Variants in IL1RAPL2 observed in about 807,000 individuals in gnomAD.
IL1RAPL2 encodes X-linked interleukin-1 receptor accessory protein-like 2.
Under a neutral mutation model 44.1 loss-of-function variants are expected in IL1RAPL2, and 3 were observed. That is an observed-to-expected ratio of 0.07 (90% CI 0.03 to 0.18). The LOEUF is 0.18. IL1RAPL2 is among the 10% of genes least tolerant of loss of function. IL1RAPL2 has a pLI of 1.00. For missense variants in IL1RAPL2, 391 were observed against 496.4 expected, an observed-to-expected ratio of 0.79 and a Z score of 2.02; for synonymous variants, 181 against 178.8, an observed-to-expected ratio of 1.01 and a Z score of -0.10.
chrX:105,263,278 G>T (rs1025145747), intron 4 of IL1RAPL2, among the ~76,000 whole-genome samples: 1 of 111,191 alleles, frequency 9.0e-6, no homozygotes, highest in Non-Finnish European at 1.9e-5. Context: ...TGGATGTTGG[G>T]TATTCAAACA....
intron 2 of IL1RAPL2, among the ~76,000 whole-genome samples, chrX:105,030,078 C>T (rs1001505030): frequency 2.3e-4 from 26 of 111,366 alleles, no homozygotes; most frequent in African/African-American, 6.5e-4. Flanking sequence ...TCATATCCTT[C>T]GCCCACTTTT....
chrX:105,588,521 T>C (rs765546338), intron 6 of IL1RAPL2, among the ~76,000 whole-genome samples: 1 of 109,919 alleles, frequency 9.1e-6, no homozygotes, highest in Non-Finnish European at 1.9e-5. Flanking sequence ...TATGCTGTTC[T>C]TTCATTTTCA....
At chrX:105,230,043 C>T (rs1411646380) in intron 3 of IL1RAPL2, among the ~76,000 whole-genome samples, 3 of 111,919 alleles carry the variant, frequency 2.7e-5, no homozygotes, top group African/African-American at 3.2e-5. Context: ...GTGATCCACC[C>T]GCCTAGGCCT....
chrX:105,028,702 TG>T (rs1430480390), intron 2 of IL1RAPL2, among the ~76,000 whole-genome samples: 2 of 110,265 alleles, frequency 1.8e-5, no homozygotes, highest in Non-Finnish European at 1.9e-5. Context: ...AAGGATTGAC[TG>T]GGAAGCTAGA....
At chrX:104,647,788 A>T (rs1250910617) in intron 1 of IL1RAPL2, 1 of 535,713 alleles carries the variant, frequency 1.9e-6, no homozygotes, top group Non-Finnish European at 3.4e-6. Flanking sequence ...TAAGTGGTCG[A>T]GAATGGCAGT....
chrX:105,077,337 A>G (rs1284073938), intron 2 of IL1RAPL2, among the ~76,000 whole-genome samples: 3 of 111,778 alleles, frequency 2.7e-5, no homozygotes, highest in Non-Finnish European at 5.6e-5. Flanking sequence ...TTCTGGGTTG[A>G]AAATTCTTTT....
intron 3 of IL1RAPL2, among the ~76,000 whole-genome samples, chrX:105,215,785 T>C (rs2033853106): frequency 9.0e-6 from 1 of 111,646 alleles, no homozygotes; most frequent in African/African-American, 3.3e-5. Context: ...GCTTTATCCC[T>C]GGGATGCAAG....
chrX:104,982,944 C>T (rs1388824160), intron 2 of IL1RAPL2, among the ~76,000 whole-genome samples: 2 of 110,842 alleles, frequency 1.8e-5, no homozygotes, highest in African/African-American at 6.5e-5. Flanking sequence ...ACATGTGATG[C>T]ATCAATTGTA....
rs1277072253 is a variant in IL1RAPL2, at chrX:105,033,588, G to A, written c.83-161887G>A. Among the ~76,000 whole-genome samples, 8 of 112,085 alleles carry A rather than the reference G, an allele frequency of 7.1e-5. No homozygotes were observed. In the East Asian group the frequency reaches 8.4e-4, roughly 12 times the overall value. ...CTGGCTTGTAGAGTTTCTGCAGTGCGATCAGCCGTTAGTCTGATTGGCTTC... is the reference window on the plus strand; with the variant it reads ...CTGGCTTGTAGAGTTTCTGCAGTGCAATCAGCCGTTAGTCTGATTGGCTTC... On this transcript the variant is annotated intron_variant, in intron 2 of 10. Coordinates refer to ENST00000372582, the MANE Select transcript of IL1RAPL2 (RefSeq NM_017416.2).
intron 6 of IL1RAPL2, among the ~76,000 whole-genome samples, chrX:105,625,413 G>A (rs1440430914): frequency 8.9e-6 from 1 of 111,938 alleles, no homozygotes; most frequent in Non-Finnish European, 1.9e-5. Flanking sequence ...TGTTTGGTGG[G>A]AGCACAGAGG....
chrX:104,989,176 C>T (rs747714435), intron 2 of IL1RAPL2, among the ~76,000 whole-genome samples: 1 of 111,589 alleles, frequency 9.0e-6, no homozygotes, highest in South Asian at 3.8e-4. Context: ...CTGGGGTGTA[C>T]ATCTTGAGCC....
intron 2 of IL1RAPL2, among the ~76,000 whole-genome samples, chrX:105,186,736 C>T (rs2033591410): frequency 9.0e-6 from 1 of 111,672 alleles, no homozygotes; most frequent in Non-Finnish European, 1.9e-5. Flanking sequence ...AATAACTGAA[C>T]AAACATTTCT....
At chrX:105,672,729 C>T (rs2037834698) in intron 6 of IL1RAPL2, among the ~76,000 whole-genome samples, 1 of 112,309 alleles carries the variant, frequency 8.9e-6, no homozygotes, top group Admixed American at 9.4e-5. Context: ...GAGTGAATGT[C>T]TAGGCTCTCT....
At chrX:105,494,789 G>C (rs991208700) in intron 6 of IL1RAPL2, among the ~76,000 whole-genome samples, 1 of 111,009 alleles carries the variant, frequency 9.0e-6, no homozygotes, top group African/African-American at 3.3e-5. Context: ...TAAGTAGCTG[G>C]GACTACAGGG....
chrX:104,861,228 G>A (rs1764266813), intron 2 of IL1RAPL2, among the ~76,000 whole-genome samples: 1 of 111,492 alleles, frequency 9.0e-6, no homozygotes, highest in African/African-American at 3.2e-5. Flanking sequence ...GTCTCATAAG[G>A]CTAAGGGGTG....
chrX:105,257,399 G>C (rs1372707729), intron 4 of IL1RAPL2, among the ~76,000 whole-genome samples: 5 of 111,913 alleles, frequency 4.5e-5, no homozygotes, highest in Non-Finnish European at 5.6e-5. Flanking sequence ...CCAATGAGAA[G>C]AATATATATT....
chrX:104,992,178 GA>G (rs2030674537), intron 2 of IL1RAPL2, among the ~76,000 whole-genome samples: 1 of 111,057 alleles, frequency 9.0e-6, no homozygotes, highest in South Asian at 3.8e-4. Context: ...GAACATAGTA[GA>G]GAAACTGGAT....
chrX:105,153,045 T>G (rs369132854), intron 2 of IL1RAPL2, among the ~76,000 whole-genome samples: 17 of 112,422 alleles, frequency 1.5e-4, no homozygotes, highest in African/African-American at 5.5e-4. Flanking sequence ...AAATGCTGAC[T>G]GCAAGATTTT....
chrX:105,603,777 C>T (rs948476499), intron 6 of IL1RAPL2, among the ~76,000 whole-genome samples: 1 of 111,409 alleles, frequency 9.0e-6, no homozygotes, highest in Non-Finnish European at 1.9e-5. Context: ...TATGTTAGAC[C>T]ACAATACAAA....
Sources: allele counts gnomAD v4.1 joint callset (sites outside exome capture counted in the v4.1 genomes callset), GRCh38; gene constraint gnomAD v4.1.1; transcripts MANE v1.5; gene names NCBI Gene and HGNC (gene_info 2026-07-23, HGNC 2026-07-21).